Variants in CCDC171 observed in about 807,000 individuals in gnomAD.
The protein encoded by CCDC171 is coiled-coil domain containing 171.
A neutral mutation model predicts 168.2 loss-of-function variants in CCDC171; 177 were observed. The ratio of observed to expected loss-of-function variants is 1.05; its 90% CI spans 0.93 to 1.19. The LOEUF (loss-of-function observed/expected upper bound fraction) is 1.19, where lower values mean the gene tolerates loss of function less well. CCDC171 is among the 50% of genes most tolerant of loss of function. CCDC171 has a pLI of 0.00. For synonymous variants in CCDC171, 687 were observed against 540.8 expected (o/e 1.27, Z -3.75); for missense variants, 1,991 against 1,539.0 (o/e 1.29, Z -4.91).
intron 1 of CCDC171, among the ~76,000 whole-genome samples, chr9:16,050,540 T>C (rs1463813243): frequency 6.6e-6 from 1 of 152,230 alleles, no homozygotes; most frequent in African/African-American, 2.4e-5. Flanking sequence ...CAGTTTGCCA[T>C]ACTGTTTTTC....
At chr9:15,928,231 A>G (rs1826102512) in intron 25 of CCDC171, among the ~76,000 whole-genome samples, 2 of 151,788 alleles carry the variant, frequency 1.3e-5, no homozygotes, top group African/African-American at 4.8e-5. Flanking sequence ...GTTAAAGTAC[A>G]AGCGTAGGGT....
intron 3 of CCDC171, among the ~76,000 whole-genome samples, chr9:16,008,971 C>A (rs185971676): frequency 2.6e-5 from 4 of 152,230 alleles, no homozygotes; most frequent in Admixed American, 6.5e-5. Flanking sequence ...AGGCCCCCAA[C>A]ACTTCTTTTG....
At chr9:15,593,446 A>C (rs1019853379) in intron 5 of CCDC171, among the ~76,000 whole-genome samples, 1 of 152,162 alleles carries the variant, frequency 6.6e-6, no homozygotes, top group Non-Finnish European at 1.5e-5. Flanking sequence ...CTAGAAATTA[A>C]AGTCCATACT....
chr9:15,866,499 G>T (rs920569082), intron 23 of CCDC171, among the ~76,000 whole-genome samples: 2 of 151,958 alleles, frequency 1.3e-5, no homozygotes, highest in African/African-American at 2.4e-5. Flanking sequence ...GGCAAAGGAC[G>T]CTGGGAATAC....
intron 3 of CCDC171, among the ~76,000 whole-genome samples, chr9:16,000,162 C>T (rs1564111582): frequency 6.6e-6 from 1 of 152,188 alleles, no homozygotes; most frequent in Admixed American, 6.5e-5. Flanking sequence ...TCCCCAACCC[C>T]TAGTCCTCCT....
chr9:15,933,225 C>T (rs1487948390), intron 25 of CCDC171, among the ~76,000 whole-genome samples: 1 of 151,888 alleles, frequency 6.6e-6, no homozygotes, highest in Non-Finnish European at 1.5e-5. Flanking sequence ...AGGTCCTGAA[C>T]TTTTCTTTGA....
At chr9:15,584,188 C>T (rs952039316) in intron 4 of CCDC171, among the ~76,000 whole-genome samples, 3 of 152,110 alleles carry the variant, frequency 2.0e-5, no homozygotes, top group Non-Finnish European at 2.9e-5. Context: ...AATTTTGTAA[C>T]TGTTAAGATC....
chr9:15,825,287 G>C (rs1417571471), intron 21 of CCDC171, among the ~76,000 whole-genome samples: 1 of 152,088 alleles, frequency 6.6e-6, no homozygotes, highest in Non-Finnish European at 1.5e-5. Context: ...ATCAGACAAT[G>C]CATAGATCAA....
At chr9:16,088,804 C>G in the CCDC171 span, among the ~76,000 whole-genome samples, 1 of 152,298 alleles carries the variant, frequency 6.6e-6, no homozygotes, top group African/African-American at 2.4e-5. Context: ...TTTATAGATT[C>G]ATTGCCATCC....
At chr9:15,999,227 G>A (rs1400207526) in intron 3 of CCDC171, among the ~76,000 whole-genome samples, 1 of 139,452 alleles carries the variant, frequency 7.2e-6, no homozygotes, top group African/African-American at 2.7e-5. Flanking sequence ...AAGGAAAAGA[G>A]GAAGAAAGAT....
chr9:15,775,968 A>G (rs2057302537), intron 18 of CCDC171, among the ~76,000 whole-genome samples: 1 of 152,208 alleles, frequency 6.6e-6, no homozygotes, highest in Admixed American at 6.5e-5. Context: ...ACATATATAT[A>G]TTAGGTATTG....
chr9:16,088,594 G>C, the CCDC171 span, among the ~76,000 whole-genome samples: 350 of 152,262 alleles, frequency 2.3e-3, no homozygotes, highest in African/African-American at 7.9e-3. Context: ...CAAATCATGA[G>C]TGAACTCCCA....
chr9:15,824,957 G>A (rs1271998391), intron 21 of CCDC171, among the ~76,000 whole-genome samples: 1 of 152,000 alleles, frequency 6.6e-6, no homozygotes, highest in African/African-American at 2.4e-5. Context: ...CTTGGATGAT[G>A]GTGATGCATT....
In CCDC171 at chr9:15,938,416, A is replaced by G. The variant is rs553837264; in HGVS notation, c.3753+17994A>G. Among the ~76,000 whole-genome samples, 12 of 151,994 alleles carry G rather than the reference A, an allele frequency of 7.9e-5. No homozygotes were observed. The East Asian group carries it at 2.3e-3, about 30-fold the overall frequency. ...GCATTTAAGCTTAAATAAAAGTTTTACAGTTTTCTACGAAAAAAAATCCTA... is the reference window on the plus strand; with the variant it reads ...GCATTTAAGCTTAAATAAAAGTTTTGCAGTTTTCTACGAAAAAAAATCCTA... On this transcript the variant is annotated intron_variant, in intron 25 of 25. Transcript: ENST00000380701.
intron 23 of CCDC171, among the ~76,000 whole-genome samples, chr9:15,858,170 A>G (rs2061417776): frequency 6.6e-6 from 1 of 151,696 alleles, no homozygotes; most frequent in African/African-American, 2.4e-5. Flanking sequence ...GGCACACACC[A>G]CCATGCCTGG....
At chr9:15,886,535 G>C (rs925942352) in intron 24 of CCDC171, 1 of 152,222 alleles carries the variant, frequency 6.6e-6, no homozygotes, top group South Asian at 2.1e-4. Flanking sequence ...AATTGGTATA[G>C]CTATTATGGA....
At chr9:15,977,604 T>A (rs1293216413), downstream of CCDC171, among the ~76,000 whole-genome samples, 4 of 152,194 alleles carry the variant, frequency 2.6e-5, no homozygotes, top group Non-Finnish European at 5.9e-5. Flanking sequence ...TTTTTGTGGT[T>A]TAATTGAGTC....
intron 23 of CCDC171, among the ~76,000 whole-genome samples, chr9:15,856,349 C>T (rs562085375): frequency 2.4e-4 from 36 of 151,994 alleles, no homozygotes; most frequent in African/African-American, 8.7e-4. Flanking sequence ...CCTCCCTGAC[C>T]CCAGCCCCTG....
At chr9:16,030,900 A>G (rs1265934747) in intron 6 of CCDC171, among the ~76,000 whole-genome samples, 1 of 152,098 alleles carries the variant, frequency 6.6e-6, no homozygotes, top group Non-Finnish European at 1.5e-5. Context: ...CAACATGAAG[A>G]TTAATGGACT....
Sources: allele counts gnomAD v4.1 joint callset (sites outside exome capture counted in the v4.1 genomes callset), GRCh38; gene constraint gnomAD v4.1.1; transcripts MANE v1.5; gene names NCBI Gene and HGNC (gene_info 2026-07-23, HGNC 2026-07-21).